Variants in EYA4 observed in about 807,000 individuals in gnomAD.
EYA4 encodes the protein protein phosphatase EYA4.
EYA4 carries 31 observed loss-of-function variants against 87.9 expected under a neutral mutation model. That is an observed-to-expected ratio of 0.35 (90% CI 0.27 to 0.48). The LOEUF (loss-of-function observed/expected upper bound fraction) is 0.48, where lower values mean the gene tolerates loss of function less well. EYA4 is among the 20% of genes least tolerant of loss of function. The probability of loss-of-function intolerance (pLI) is 0.99; values close to 1 mark genes in which losing one functional copy is unlikely to be tolerated. For missense variants in EYA4, 678 were observed against 761.4 expected (o/e 0.89, Z 1.29); for synonymous variants, 263 against 270.6 (o/e 0.97, Z 0.28).
intron 3 of EYA4, among the ~76,000 whole-genome samples, chr6:133,389,262 G>A (rs1295421355): frequency 1.3e-5 from 2 of 152,190 alleles, no homozygotes; most frequent in African/African-American, 2.4e-5. Context: ...TTTAAGTGGA[G>A]TGGCTGCCAA....
intron 2 of EYA4, among the ~76,000 whole-genome samples, chr6:133,280,775 A>C (rs1329132945): frequency 6.6e-6 from 1 of 152,176 alleles, no homozygotes; most frequent in African/African-American, 2.4e-5. Context: ...TTTCTAGGGT[A>C]TTCATAGAGT....
chr6:133,398,707 C>A (rs1197842073), intron 3 of EYA4, among the ~76,000 whole-genome samples: 1 of 152,110 alleles, frequency 6.6e-6, no homozygotes, highest in Non-Finnish European at 1.5e-5. Context: ...CAGAATTTCG[C>A]TAAGAATGTG....
intron 10 of EYA4, among the ~76,000 whole-genome samples, chr6:133,466,378 G>A (rs924749962): frequency 1.3e-5 from 2 of 152,080 alleles, no homozygotes; most frequent in Non-Finnish European, 2.9e-5. Flanking sequence ...TTGGGACCAT[G>A]GCCTGAGCAC....
chr6:133,461,549 T>G (rs1421343431), intron 7 of EYA4, among the ~76,000 whole-genome samples: 1 of 152,180 alleles, frequency 6.6e-6, no homozygotes, highest in Non-Finnish European at 1.5e-5. Context: ...TGCCTTATTG[T>G]TTTTATAACT....
intron 13 of EYA4, among the ~76,000 whole-genome samples, chr6:133,501,931 T>C (rs146652527): frequency 6.6e-6 from 1 of 152,314 alleles, no homozygotes; most frequent in African/African-American, 2.4e-5. Context: ...GCGTTAGTAT[T>C]TTGATTTAGA....
chr6:133,375,229 A>G (rs1785585638), intron 2 of EYA4, among the ~76,000 whole-genome samples: 1 of 151,974 alleles, frequency 6.6e-6, no homozygotes, highest in African/African-American at 2.4e-5. Context: ...AACATAAATC[A>G]TATTTACTTG....
At chr6:133,495,955 G>A (rs956098961) in intron 13 of EYA4, among the ~76,000 whole-genome samples, 2 of 152,110 alleles carry the variant, frequency 1.3e-5, no homozygotes, top group East Asian at 3.8e-4. Flanking sequence ...TTGAGAAAAG[G>A]CCATGGTCAA....
At chr6:133,493,148 G>A (rs887966229) in intron 13 of EYA4, among the ~76,000 whole-genome samples, 6 of 152,088 alleles carry the variant, frequency 3.9e-5, no homozygotes, top group Non-Finnish European at 8.8e-5. Flanking sequence ...AAGCTACCCT[G>A]AGCAAAAGGA....
At chr6:133,255,402 G>C (rs1316083126) in intron 1 of EYA4, among the ~76,000 whole-genome samples, 1 of 151,976 alleles carries the variant, frequency 6.6e-6, no homozygotes, top group African/African-American at 2.4e-5. Flanking sequence ...TTTGGTTGCT[G>C]GTCATGTGAA....
chr6:133,277,321 A>G (rs1777258697), intron 2 of EYA4, among the ~76,000 whole-genome samples: 1 of 152,234 alleles, frequency 6.6e-6, no homozygotes, highest in Non-Finnish European at 1.5e-5. Flanking sequence ...GTTAAGTAGT[A>G]GAGATCAGAA....
chr6:133,491,238 T>C (rs1797124625), intron 13 of EYA4, among the ~76,000 whole-genome samples: 1 of 151,972 alleles, frequency 6.6e-6, no homozygotes, highest in Non-Finnish European at 1.5e-5. Flanking sequence ...ATAGCTATAA[T>C]TGTCTGCATC....
At chr6:133,418,583 A>G (rs183743776) in intron 3 of EYA4, among the ~76,000 whole-genome samples, 2 of 152,228 alleles carry the variant, frequency 1.3e-5, no homozygotes, top group Admixed American at 1.3e-4. Context: ...AACTATACAT[A>G]TGTATTCTCC....
At chr6:133,504,238 C>A (rs1436143053) in intron 13 of EYA4, among the ~76,000 whole-genome samples, 1 of 152,144 alleles carries the variant, frequency 6.6e-6, no homozygotes, top group Non-Finnish European at 1.5e-5. Flanking sequence ...TAATTTTATT[C>A]TTGTTTTTAA....
At chr6:133,457,421 T>C (rs1429976356) in intron 6 of EYA4, among the ~76,000 whole-genome samples, 2 of 152,212 alleles carry the variant, frequency 1.3e-5, no homozygotes, top group Non-Finnish European at 2.9e-5. Flanking sequence ...TTTGTGGTAA[T>C]TGAATCTCGG....
intron 13 of EYA4, among the ~76,000 whole-genome samples, chr6:133,489,808 C>T (rs898744419): frequency 1.3e-5 from 2 of 152,026 alleles, no homozygotes; most frequent in African/African-American, 4.8e-5. Flanking sequence ...GCAGTAAGAA[C>T]TCATCTGAAG....
intron 2 of EYA4, among the ~76,000 whole-genome samples, chr6:133,319,847 G>T (rs996755935): frequency 6.6e-6 from 1 of 151,682 alleles, no homozygotes; most frequent in African/African-American, 2.4e-5. Flanking sequence ...CCCCAGAGTA[G>T]CTGGGACTAT....
intron 2 of EYA4, among the ~76,000 whole-genome samples, chr6:133,338,384 T>G (rs1782533702): frequency 2.0e-5 from 3 of 152,206 alleles, no homozygotes; most frequent in Non-Finnish European, 4.4e-5. Context: ...TAATTACTTT[T>G]TGTACTATGT....
chr6:133,387,608 A>T (rs3777804), intron 3 of EYA4, among the ~76,000 whole-genome samples: 26,248 of 152,076 alleles, frequency 0.17, 2,659 homozygotes, highest in African/African-American at 0.27. Flanking sequence ...GAAATTACTA[A>T]TCACAATGCA....
chr6:133,464,648 G>A (rs1050059584), intron 9 of EYA4, 131 bp from the exon 10 acceptor site: 3 of 687,702 alleles, frequency 4.4e-6, no homozygotes, highest in Non-Finnish European at 7.9e-6. Flanking sequence ...CTGTATAAAT[G>A]TCTCAACTTC....
Sources: allele counts gnomAD v4.1 joint callset (sites outside exome capture counted in the v4.1 genomes callset), GRCh38; gene constraint gnomAD v4.1.1; transcripts MANE v1.5; gene names NCBI Gene and HGNC (gene_info 2026-07-23, HGNC 2026-07-21).